Variants in AGAP1 observed in about 807,000 individuals in gnomAD.
AGAP1 encodes arf-GAP with GTPase, ANK repeat and PH domain-containing protein 1.
In AGAP1, 29 loss-of-function variants were observed where a neutral mutation model predicts 105.3. The observed-to-expected ratio is 0.28, with a 90% CI of 0.21 to 0.38. The LOEUF (loss-of-function observed/expected upper bound fraction) is 0.38, where lower values mean the gene tolerates loss of function less well. Ranked by LOEUF, AGAP1 falls within the 10% of genes least tolerant of loss-of-function variation. The probability of loss-of-function intolerance (pLI) is 1.00; values close to 1 mark genes in which losing one functional copy is unlikely to be tolerated. For missense variants in AGAP1, 998 were observed against 1,165.1 expected (o/e 0.86, Z 2.09); for synonymous variants, 509 against 485.9 (o/e 1.05, Z -0.63).
At chr2:235,713,360 T>A (rs1950945918) in intron 2 of AGAP1, among the ~76,000 whole-genome samples, 1 of 152,126 alleles carries the variant, frequency 6.6e-6, no homozygotes, top group Non-Finnish European at 1.5e-5. Context: ...GGAAACAGCT[T>A]TATTTAGAAT....
Position 235,930,744 on chromosome 2 carries a change from AC to A in AGAP1, c.1325-19del. 1 of 1,610,284 alleles carries A rather than the reference AC, an allele frequency of 6.2e-7. No homozygotes were observed. Among genetic ancestry groups the A allele is most frequent in the African/African-American group, 1.3e-5 (1 of 74,720 alleles). On this transcript the variant is annotated intron_variant, in intron 11 of 17. Coordinates refer to ENST00000304032, the MANE Select transcript of AGAP1 (RefSeq NM_001037131.3). The surrounding 1 kb of genome is among the most constrained non-coding windows in gnomAD (Gnocchi z 7.9). ...TGGTCTGCAGTCCGCGGTGGTGTTC[AC>A]CTGACTTGTTTATTCCTAGGGAATG...
chr2:235,818,383 C>G (rs930374530), intron 9 of AGAP1, among the ~76,000 whole-genome samples: 4 of 152,324 alleles, frequency 2.6e-5, no homozygotes, highest in Admixed American at 1.3e-4. Flanking sequence ...CTAGAAAAGC[C>G]TATGCTGTTG....
In AGAP1 at chr2:236,096,020, A is replaced by G. The variant is rs559516516; in HGVS notation, c.2115-24172A>G. 6.6e-6 allele frequency among the ~76,000 whole-genome samples: 1 copy of G among 150,434 alleles called. No homozygotes were observed. Among genetic ancestry groups the G allele is most frequent in the African/African-American group, 2.4e-5 (1 of 41,404 alleles). Reference sequence around the variant, plus strand: ...CCCAGCTTCTGTGCCATGCTTCTTTATTGTTTTGGGTACTTGGAAATCCAT... The same window carrying G: ...CCCAGCTTCTGTGCCATGCTTCTTTGTTGTTTTGGGTACTTGGAAATCCAT... On this transcript the variant is annotated intron_variant, in intron 16 of 17. Coordinates refer to ENST00000304032, the MANE Select transcript of AGAP1 (RefSeq NM_001037131.3). The surrounding 1 kb of genome is among the most constrained non-coding windows in gnomAD (Gnocchi z 4.4).
At chr2:235,884,018 T>C (rs2050151492) in intron 10 of AGAP1, among the ~76,000 whole-genome samples, 1 of 152,230 alleles carries the variant, frequency 6.6e-6, no homozygotes, top group Non-Finnish European at 1.5e-5. Flanking sequence ...TTAACTTTAT[T>C]CTTGGGGAAG....
chr2:235,935,208 A>C (rs2052930497), intron 12 of AGAP1, among the ~76,000 whole-genome samples: 1 of 152,338 alleles, frequency 6.6e-6, no homozygotes, highest in African/African-American at 2.4e-5. Context: ...TGAGACCTGC[A>C]TCTGCCCTTA....
In AGAP1 at chr2:235,865,377, A is replaced by T. The variant is rs868348546; in HGVS notation, c.1051-17968A>T. The stretch of plus-strand genomic sequence containing the variant: ...GTGTGGCGCAGCCTTGGGTTCCGCA[A>T]ATAGGGCACCCACAGTAACACGTGT... On this transcript the variant is annotated intron_variant, in intron 9 of 17. Transcript: ENST00000304032. This position sits in a 1 kb window ranked among gnomAD's most constrained non-coding sequence, Gnocchi z 6.2. 6.6e-6 allele frequency among the ~76,000 whole-genome samples: 1 copy of T among 152,194 alleles called. No homozygotes were observed.
rs753915768 is a variant in AGAP1, at chr2:235,750,406, G to A, written c.591G>A (p.Lys197=). The change falls in exon 6 of 18, where the codon AAG becomes AAA. Residue 197 remains lysine, a synonymous_variant. Transcript: ENST00000304032. The surrounding 1 kb of genome is among the most constrained non-coding windows in gnomAD (Gnocchi z 5.3). ...TCATCGATGACGCCAGGGCGAGGAA[G>A]CTCTCCAACGACCTGAAACGGTGCA... The part of the protein sequence containing the change: ...PRVIDDARAR[K]LSNDLKRCTY... 2 of 1,614,086 alleles carry A rather than the reference G, an allele frequency of 1.2e-6. No individual in the cohort carries two copies. The highest frequency in any genetic ancestry group is 2.2e-5 in the East Asian group (1 of 44,888).
rs892872471 is a variant in AGAP1 at position 235,705,462 on chromosome 2, C to G, written c.164-3717C>G. Among the ~76,000 whole-genome samples the G allele has an allele frequency of 6.6e-6, 1 of 152,188 alleles. No homozygotes were observed. The highest frequency in any genetic ancestry group is 1.5e-5 in the Non-Finnish European group (1 of 68,036). On this transcript the variant is annotated intron_variant, in intron 1 of 17. Transcript: ENST00000304032. The surrounding 1 kb of genome is among the most constrained non-coding windows in gnomAD (Gnocchi z 4.9). ...CCTTGGAAGGAAGCAGGACAGCTGG[C>G]CTGGACCCTGCCCCACCCTTCCTCG...
At position 235,799,886 on chromosome 2, in the gene AGAP1, G is replaced by A. The variant is rs1238058581; in HGVS notation, c.957+364G>A. ...CTCTAACCGTTCAGATGATATATAA[G>A]CTATTACTGTCCACAGGCCCTCTTC... On this transcript the variant is annotated intron_variant, in intron 8 of 17. Transcript: ENST00000304032. The surrounding 1 kb of genome is among the most constrained non-coding windows in gnomAD (Gnocchi z 5.0). Among the ~76,000 whole-genome samples, 1 of 152,060 alleles carries A rather than the reference G, an allele frequency of 6.6e-6. No homozygotes were observed. Among genetic ancestry groups the A allele is most frequent in the African/African-American group, 2.4e-5 (1 of 41,404 alleles).
intron 1 of AGAP1, among the ~76,000 whole-genome samples, chr2:235,564,620 ACCACCAC>A (rs1944280269): frequency 7.0e-6 from 1 of 143,592 alleles, no homozygotes; most frequent in Non-Finnish European, 1.5e-5. Context: ...GTGAGCCTGG[ACCACCAC>A]CCAGGGCCAG....
intron 1 of AGAP1, among the ~76,000 whole-genome samples, chr2:235,638,949 G>A (rs1231257122): frequency 6.6e-6 from 1 of 152,130 alleles, no homozygotes. Context: ...CAGTTGCGGT[G>A]ACCAAAAATG....
intron 1 of AGAP1, among the ~76,000 whole-genome samples, chr2:235,527,965 G>T (rs1200010069): frequency 6.6e-6 from 1 of 152,168 alleles, no homozygotes; most frequent in Admixed American, 6.5e-5. Context: ...TGAGTACACA[G>T]ATGTGTCATA....
chr2:235,822,842 C>T (rs767668572), intron 9 of AGAP1, among the ~76,000 whole-genome samples: 1 of 152,148 alleles, frequency 6.6e-6, no homozygotes, highest in Non-Finnish European at 1.5e-5. Context: ...GCTTCCTGGT[C>T]GTGGACCCCG....
In AGAP1 at chr2:236,002,900, C is replaced by G. The variant is rs762138768; in HGVS notation, c.1646-33661C>G. Among the ~76,000 whole-genome samples the G allele has an allele frequency of 6.6e-6, 1 of 152,098 alleles. No homozygotes were observed. The highest frequency in any genetic ancestry group is 1.5e-5 in the Non-Finnish European group (1 of 68,032). On this transcript the variant is annotated intron_variant, in intron 13 of 17. Coordinates refer to ENST00000304032, the MANE Select transcript of AGAP1 (RefSeq NM_001037131.3). This position sits in a 1 kb window ranked among gnomAD's most constrained non-coding sequence, Gnocchi z 4.3. ...TCCTAAGGTGAAGTTTGTGTGTGAACAGGAGGGCCGGGGTCGCTGGGTTCC... is the reference window on the plus strand; with the variant it reads ...TCCTAAGGTGAAGTTTGTGTGTGAAGAGGAGGGCCGGGGTCGCTGGGTTCC...
rs1317778692 is a variant in AGAP1, at chr2:235,982,074, GA to G, written c.1645+13453del. Reference sequence around the variant, plus strand: ...GAGGCTGTGCTTCAGCAGATTGACAGAATGCATTTTTACAGCACTTAGAAAA... The same window carrying G: ...GAGGCTGTGCTTCAGCAGATTGACAGATGCATTTTTACAGCACTTAGAAAA... On this transcript the variant is annotated intron_variant, in intron 13 of 17. Coordinates refer to ENST00000304032, the MANE Select transcript of AGAP1 (RefSeq NM_001037131.3). The surrounding 1 kb of genome is among the most constrained non-coding windows in gnomAD (Gnocchi z 4.9). 6.6e-6 allele frequency among the ~76,000 whole-genome samples: 1 copy of G among 152,212 alleles called. No homozygotes were observed. Among genetic ancestry groups the G allele is most frequent in the East Asian group, 1.9e-4 (1 of 5,194 alleles).
At chr2:235,675,576 A>G (rs1353473796) in intron 1 of AGAP1, among the ~76,000 whole-genome samples, 1 of 152,152 alleles carries the variant, frequency 6.6e-6, no homozygotes, top group African/African-American at 2.4e-5. Flanking sequence ...GATTATCTAC[A>G]GTGTTTTGTT....
rs978877313 is a variant in AGAP1 at position 235,517,392 on chromosome 2, A to G, written c.163+22543A>G. On this transcript the variant is annotated intron_variant, in intron 1 of 17. Coordinates refer to ENST00000304032, the MANE Select transcript of AGAP1 (RefSeq NM_001037131.3). The surrounding 1 kb of genome is among the most constrained non-coding windows in gnomAD (Gnocchi z 4.1). Reference sequence around the variant, plus strand: ...GTTTCTGAGGATTTGTCACTGATGTAGTAGCATCACGAGTGTTTCGTCACT... The same window carrying G: ...GTTTCTGAGGATTTGTCACTGATGTGGTAGCATCACGAGTGTTTCGTCACT... 6.6e-6 allele frequency among the ~76,000 whole-genome samples: 1 copy of G among 152,194 alleles called. No homozygotes were observed. The highest frequency in any genetic ancestry group is 2.1e-4 in the South Asian group (1 of 4,824).
intron 11 of AGAP1, among the ~76,000 whole-genome samples, chr2:235,916,950 T>C (rs912050250): frequency 1.3e-5 from 2 of 152,208 alleles, no homozygotes; most frequent in African/African-American, 4.8e-5. Context: ...TGGACTTTCA[T>C]GGATGTCCAT....
chr2:235,941,982 A>G (rs1351319330), intron 12 of AGAP1, among the ~76,000 whole-genome samples: 1 of 152,172 alleles, frequency 6.6e-6, no homozygotes, highest in Non-Finnish European at 1.5e-5. Flanking sequence ...GAATGCCCTG[A>G]TGGATGTGGC....
Sources: gnomAD v4.1 joint callset for allele counts (sites outside exome capture counted in the v4.1 genomes callset) on GRCh38, gnomAD v4.1.1 for gene constraint, Gnocchi (gnomAD v3.1) non-coding constraint, MANE v1.5 for transcripts, NCBI Gene and HGNC (gene_info 2026-07-23, HGNC 2026-07-21) for gene names.